SDK2: variants seen among roughly 807,000 people sequenced by gnomAD.
SDK2 encodes sidekick cell adhesion molecule 2.
A neutral mutation model predicts 253.9 loss-of-function variants in SDK2; 105 were observed. That is an observed-to-expected ratio of 0.41 (90% CI 0.35 to 0.49). The LOEUF (loss-of-function observed/expected upper bound fraction) is 0.49, where lower values mean the gene tolerates loss of function less well. Among genes scored for constraint, SDK2 ranks in the 20% least tolerant of loss-of-function variants. SDK2 has a pLI of 0.06. For missense variants in SDK2, 2,608 were observed against 3,003.0 expected (o/e 0.87, Z 3.07); for synonymous variants, 1,249 against 1,234.9 (o/e 1.01, Z -0.24).
At position 73,447,524 on chromosome 17, in the gene SDK2, G is replaced by A. The variant is rs1341793449; in HGVS notation, c.613+91C>T. 4 of 1,506,162 alleles carry A rather than the reference G, an allele frequency of 2.7e-6. No homozygotes were observed. In the African/African-American group the frequency reaches 4.2e-5, roughly 16 times the overall value. The allele number at this position is 1,506,162 out of a possible 1,614,324, so 93.3% of individuals were successfully genotyped here. ...CCTAGCTTCCCTGTCCCCCTCCTCT[G>A]CCACTCCATCTTCCCAATGATCCCC... is the stretch of plus-strand genomic sequence containing the variant. On this transcript the variant is annotated intron_variant, in intron 5 of 44. Coordinates refer to ENST00000392650, the MANE Select transcript of SDK2 (RefSeq NM_001144952.2). The surrounding 1 kb of genome is among the most constrained non-coding windows in gnomAD (Gnocchi z 4.0).
chr17:73,636,680 C>CAAAAAAAAAAAAAA (rs561026344), intron 1 of SDK2, among the ~76,000 whole-genome samples: 6 of 50,996 alleles, frequency 1.2e-4, no homozygotes, highest in Non-Finnish European at 1.5e-4. Context: ...GACTCTGTCT[C>CAAAAAAAAAAAAAA]AAAAAAAAAA....
chr17:73,631,147 C>G (rs1335781340), intron 1 of SDK2, among the ~76,000 whole-genome samples: 1 of 152,140 alleles, frequency 6.6e-6, no homozygotes, highest in East Asian at 1.9e-4. Context: ...TTATTACTGT[C>G]CCGACGACTA....
intron 1 of SDK2, among the ~76,000 whole-genome samples, chr17:73,545,582 C>T (rs1041428334): frequency 6.6e-6 from 1 of 152,198 alleles, no homozygotes; most frequent in Non-Finnish European, 1.5e-5. Context: ...CCCATCCCCA[C>T]CCACCACTGC....
chr17:73,375,517 G>T (rs2145454407), intron 36 of SDK2, among the ~76,000 whole-genome samples: 1 of 151,226 alleles, frequency 6.6e-6, no homozygotes, highest in South Asian at 2.2e-4. Flanking sequence ...AAAGCGCCAG[G>T]ATTACAGTTG....
At position 73,348,822 on chromosome 17, in the gene SDK2, T is replaced by A. The variant is rs964475430; in HGVS notation, c.6039-97A>T. 3.1e-6 allele frequency: 3 copies of A among 973,508 alleles called. No individual in the cohort carries two copies. In the African/African-American group the frequency reaches 4.7e-5, roughly 15 times the overall value. 60.3% of individuals were successfully genotyped at this position (973,508 alleles called of 1,614,324 possible). On this transcript the variant is annotated intron_variant, in intron 43 of 44. Coordinates refer to ENST00000392650, the MANE Select transcript of SDK2 (RefSeq NM_001144952.2). ...ACAGTGGGGGCCTGGGGAACACGGA[T>A]CCCTGCCACCCTGTGCTCCTCCTCC...
chr17:73,372,516 A>T (rs1195145927), intron 36 of SDK2, among the ~76,000 whole-genome samples: 1 of 152,202 alleles, frequency 6.6e-6, no homozygotes, highest in African/African-American at 2.4e-5. Context: ...CCTGCCATTT[A>T]CTATGCCCAA....
intron 32 of SDK2, among the ~76,000 whole-genome samples, chr17:73,384,628 T>G (rs943536098): frequency 2.6e-5 from 4 of 152,232 alleles, no homozygotes; most frequent in African/African-American, 9.6e-5. Context: ...CTGACCAGCC[T>G]GGCCAACATG....
chr17:73,586,603 G>T (rs2045606374), intron 1 of SDK2, among the ~76,000 whole-genome samples: 1 of 151,756 alleles, frequency 6.6e-6, no homozygotes. Flanking sequence ...TGGACTGCAG[G>T]GGGTGGGTGG....
intron 4 of SDK2, among the ~76,000 whole-genome samples, chr17:73,453,371 T>G (rs1316664594): frequency 1.6e-4 from 8 of 51,610 alleles, no homozygotes; most frequent in Middle Eastern, 9.1e-3. Flanking sequence ...TGAGCTGGGG[T>G]TTTTTTTTTT....
intron 2 of SDK2, among the ~76,000 whole-genome samples, chr17:73,473,405 C>T (rs2063665748): frequency 6.6e-6 from 1 of 152,158 alleles, no homozygotes; most frequent in Admixed American, 6.5e-5. Context: ...GCAATGGTCC[C>T]ACAGGACCCT....
intron 1 of SDK2, among the ~76,000 whole-genome samples, chr17:73,512,582 C>T (rs371645590): frequency 4.6e-5 from 7 of 151,840 alleles, no homozygotes; most frequent in African/African-American, 9.7e-5. Context: ...CATACACATA[C>T]GAAGGAATTT....
intron 1 of SDK2, among the ~76,000 whole-genome samples, chr17:73,590,652 A>G (rs1021394317): frequency 2.0e-5 from 3 of 152,214 alleles, no homozygotes; most frequent in African/African-American, 7.2e-5. Context: ...GCCAACCCGG[A>G]GAGTCACTCC....
intron 1 of SDK2, among the ~76,000 whole-genome samples, chr17:73,625,194 G>C (rs936096414): frequency 6.6e-6 from 1 of 152,162 alleles, no homozygotes; most frequent in Non-Finnish European, 1.5e-5. Context: ...TGCATACCAG[G>C]CAGGACCAGA....
intron 4 of SDK2, among the ~76,000 whole-genome samples, chr17:73,449,506 A>G (rs113459765): frequency 0.01 from 1,534 of 151,606 alleles, 33 homozygotes; most frequent in African/African-American, 0.035. Flanking sequence ...GGTGCTTCAC[A>G]TGCTGAGAAT....
chr17:73,588,389 A>G (rs1276535034), intron 1 of SDK2, among the ~76,000 whole-genome samples: 3 of 112,188 alleles, frequency 2.7e-5, no homozygotes, highest in African/African-American at 8.9e-5. Flanking sequence ...CTCCATCTCA[A>G]AAAAAAAAAA....
At position 73,643,957 on chromosome 17, in the gene SDK2, T is replaced by TCCCCCCCCCCCCC; in HGVS notation, c.64+67_64+68insGGGGGGGGGGGGG. ...GGAGGTCACCGTGAGGCCGGCCAGCTCCCGCCGCCCCTCCCCCGCCCACTC... is the reference window on the plus strand; with the variant it reads ...GGAGGTCACCGTGAGGCCGGCCAGCTCCCCCCCCCCCCCCCCGCCGCCCCTCCCCCGCCCACTC... On this transcript the variant is annotated intron_variant, in intron 1 of 44. Coordinates refer to ENST00000392650, the MANE Select transcript of SDK2 (RefSeq NM_001144952.2). This position sits in a 1 kb window ranked among gnomAD's most constrained non-coding sequence, Gnocchi z 6.9. The TCCCCCCCCCCCCC allele has an allele frequency of 1.8e-5, 18 of 1,019,988 alleles. No homozygotes were observed. The highest frequency in any genetic ancestry group is 2.8e-5 in the South Asian group (2 of 72,516). 63.2% of individuals were successfully genotyped at this position (1,019,988 alleles called of 1,614,324 possible). A position where few individuals can be genotyped will look rare whatever the true frequency, so the allele number is the denominator to read the frequency against.
At chr17:73,578,721 G>A (rs1393222797) in intron 1 of SDK2, among the ~76,000 whole-genome samples, 1 of 152,148 alleles carries the variant, frequency 6.6e-6, no homozygotes, top group African/African-American at 2.4e-5. Context: ...GGCCAACAGT[G>A]TGAGAGGCTG....
intron 36 of SDK2, among the ~76,000 whole-genome samples, chr17:73,377,102 G>A (rs1168777502): frequency 1.3e-5 from 2 of 149,284 alleles, no homozygotes; most frequent in African/African-American, 5.0e-5. Flanking sequence ...CTCTTCTCTG[G>A]AGTAACAACC....
Position 73,394,295 on chromosome 17 carries a change from C to T in SDK2, c.3622G>A (p.Ala1208Thr). Residue 1208 changes from alanine to threonine, a missense_variant, in exon 26 of 45, where the codon GCA becomes ACA. Physicochemically the swap from Ala to Thr is moderately conservative, Grantham distance 58. Around this residue, in one of 2 missense-constraint regions of SDK2, gnomAD observed 1,505 missense variants for 1,859.1 expected, o/e 0.81. Transcript: ENST00000392650. ...ATGCTGCTGGAGGTGGTGGCCAGTGCAGACACATTGGTGGGGCCGGAAGAG... is the reference window on the plus strand; with the variant it reads ...ATGCTGCTGGAGGTGGTGGCCAGTGTAGACACATTGGTGGGGCCGGAAGAG... ...VPSSGPTNVS[A>T]LATTSSSMLV... 6.3e-7 allele frequency: 1 copy of T among 1,598,670 alleles called. No homozygotes were observed. Among genetic ancestry groups the T allele is most frequent in the Non-Finnish European group, 8.5e-7 (1 of 1,170,632 alleles).
Sources: allele counts gnomAD v4.1 joint callset (sites outside exome capture counted in the v4.1 genomes callset), GRCh38; gene constraint gnomAD v4.1.1; regional missense constraint gnomAD v4.1.1; non-coding constraint Gnocchi (gnomAD v3.1); transcripts MANE v1.5; gene names NCBI Gene and HGNC (gene_info 2026-07-23, HGNC 2026-07-21).